Variants in CA10 observed in about 807,000 individuals in gnomAD.
CA10 encodes carbonic anhydrase-related protein 10.
A neutral mutation model predicts 44.2 loss-of-function variants in CA10; 14 were observed. The ratio of observed to expected loss-of-function variants is 0.32; its 90% CI spans 0.21 to 0.50. CA10 has a LOEUF of 0.50. CA10 is among the 20% of genes least tolerant of loss of function. CA10 has a pLI of 0.99. For synonymous variants in CA10, 159 were observed against 141.6 expected, an observed-to-expected ratio of 1.12 and a Z score of -0.87; for missense variants, 350 against 409.7, an observed-to-expected ratio of 0.85 and a Z score of 1.26.
chr17:51,720,779 G>C (rs1032224841), intron 4 of CA10, among the ~76,000 whole-genome samples: 12 of 152,122 alleles, frequency 7.9e-5, no homozygotes, highest in Non-Finnish European at 1.5e-4. Context: ...AAGGAGAAAG[G>C]GTAGAAAATT....
chr17:52,027,827 CCA>C (rs1294598705), intron 2 of CA10, among the ~76,000 whole-genome samples: 2 of 152,134 alleles, frequency 1.3e-5, no homozygotes, highest in African/African-American at 4.8e-5. Context: ...AGTAATTTGT[CCA>C]CAGTGACACA....
At chr17:52,055,190 T>C (rs774603847) in intron 2 of CA10, among the ~76,000 whole-genome samples, 2 of 151,994 alleles carry the variant, frequency 1.3e-5, no homozygotes, top group African/African-American at 2.4e-5. Context: ...AAGCTGGCAA[T>C]AGAGTAACAC....
chr17:52,010,343 C>A (rs2144134067), intron 2 of CA10, among the ~76,000 whole-genome samples: 1 of 152,032 alleles, frequency 6.6e-6, no homozygotes, highest in Non-Finnish European at 1.5e-5. Flanking sequence ...AAATATGGAA[C>A]TAACCCAAAT....
intron 2 of CA10, among the ~76,000 whole-genome samples, chr17:52,023,778 C>CA (rs983084018): frequency 1.3e-4 from 19 of 150,964 alleles, no homozygotes; most frequent in African/African-American, 3.2e-4. Context: ...ATCCAACAAG[C>CA]AAAAAAAATG....
chr17:51,820,422 C>T (rs559066219), intron 3 of CA10, among the ~76,000 whole-genome samples: 6 of 123,564 alleles, frequency 4.9e-5, no homozygotes, highest in Admixed American at 7.9e-5. Flanking sequence ...CCCCCCCGCC[C>T]GCCGATTTTC....
intron 2 of CA10, among the ~76,000 whole-genome samples, chr17:51,988,100 A>C (rs1984909072): frequency 6.6e-6 from 1 of 152,076 alleles, no homozygotes; most frequent in African/African-American, 2.4e-5. Flanking sequence ...AGAATTGGGA[A>C]TATTTTAAGA....
At chr17:51,943,302 C>T (rs1434735842) in intron 2 of CA10, among the ~76,000 whole-genome samples, 1 of 152,144 alleles carries the variant, frequency 6.6e-6, no homozygotes, top group African/African-American at 2.4e-5. Flanking sequence ...CTATATTGTT[C>T]ATTGTCTTAA....
At chr17:51,733,625 G>A (rs965870572) in intron 4 of CA10, among the ~76,000 whole-genome samples, 1 of 152,234 alleles carries the variant, frequency 6.6e-6, no homozygotes, top group South Asian at 2.1e-4. Flanking sequence ...GGATGCCCCT[G>A]AGGTTTTAAA....
At chr17:52,020,718 T>C (rs1172398134) in intron 2 of CA10, among the ~76,000 whole-genome samples, 1 of 151,912 alleles carries the variant, frequency 6.6e-6, no homozygotes, top group Non-Finnish European at 1.5e-5. Context: ...ATATATTGCA[T>C]GATGCTGATG....
chr17:51,722,084 G>A (rs1003910853), intron 4 of CA10, among the ~76,000 whole-genome samples: 1 of 152,140 alleles, frequency 6.6e-6, no homozygotes, highest in African/African-American at 2.4e-5. Context: ...GCGATCTGAT[G>A]TTAACTTTAG....
At chr17:52,037,811 A>T (rs1986660583) in intron 2 of CA10, among the ~76,000 whole-genome samples, 1 of 152,138 alleles carries the variant, frequency 6.6e-6, no homozygotes, top group African/African-American at 2.4e-5. Flanking sequence ...CCCTCAGTGA[A>T]GAATTCCCTT....
At chr17:52,074,967 C>A (rs1987779853) in intron 1 of CA10, among the ~76,000 whole-genome samples, 1 of 152,040 alleles carries the variant, frequency 6.6e-6, no homozygotes, top group Non-Finnish European at 1.5e-5. Context: ...TGCCAAATAG[C>A]CAAACATATT....
At chr17:51,928,480 G>A (rs757300777) in intron 3 of CA10, among the ~76,000 whole-genome samples, 17 of 152,132 alleles carry the variant, frequency 1.1e-4, no homozygotes, top group Non-Finnish European at 2.4e-4. Flanking sequence ...GGTCAAATAT[G>A]TTAAAATAAA....
chr17:52,082,828 GTCA>G (rs1988019058), intron 1 of CA10, among the ~76,000 whole-genome samples: 1 of 152,088 alleles, frequency 6.6e-6, no homozygotes, highest in South Asian at 2.1e-4. Context: ...AATCTGTTCT[GTCA>G]TCAGCTCATG....
chr17:52,047,805 T>A (rs1986952991), intron 2 of CA10, among the ~76,000 whole-genome samples: 2 of 151,994 alleles, frequency 1.3e-5, no homozygotes, highest in Admixed American at 1.3e-4. Flanking sequence ...ATATGGAATT[T>A]ATTTCCCTGA....
At chr17:52,110,960 T>C (rs750691449) in intron 1 of CA10, among the ~76,000 whole-genome samples, 9 of 152,212 alleles carry the variant, frequency 5.9e-5, no homozygotes, top group Non-Finnish European at 8.8e-5. Context: ...ACTATTATTA[T>C]ATTTGTATCA....
intron 3 of CA10, among the ~76,000 whole-genome samples, chr17:51,915,452 C>T (rs1487892393): frequency 6.6e-6 from 1 of 152,162 alleles, no homozygotes; most frequent in African/African-American, 2.4e-5. Context: ...GTGTGTAATC[C>T]TGGGAGTTTG....
chr17:51,725,802 T>C (rs1396676343), intron 4 of CA10, among the ~76,000 whole-genome samples: 2 of 152,168 alleles, frequency 1.3e-5, no homozygotes, highest in South Asian at 2.1e-4. Flanking sequence ...TTTATACATA[T>C]ATGTGTGCAC....
intron 3 of CA10, among the ~76,000 whole-genome samples, chr17:51,845,941 C>G (rs891741389): frequency 6.6e-6 from 1 of 152,192 alleles, no homozygotes; most frequent in Non-Finnish European, 1.5e-5. Flanking sequence ...GGCATTCTAC[C>G]CAGTAAGCTT....
Sources: allele counts gnomAD v4.1 joint callset (sites outside exome capture counted in the v4.1 genomes callset), GRCh38; gene constraint gnomAD v4.1.1; transcripts MANE v1.5; gene names NCBI Gene and HGNC (gene_info 2026-07-23, HGNC 2026-07-21).